Variants in ZNF263 observed in about 807,000 individuals in gnomAD.
ZNF263 encodes zinc finger protein FPM315.
In ZNF263, 49 loss-of-function variants were observed where a neutral mutation model predicts 63.1. That is an observed-to-expected ratio of 0.78 (90% CI 0.62 to 0.99). The LOEUF (loss-of-function observed/expected upper bound fraction) is 0.99, where lower values mean the gene tolerates loss of function less well. ZNF263 is among the 50% of genes least tolerant of loss of function. The probability of loss-of-function intolerance (pLI) is 0.00; values close to 1 mark genes in which losing one functional copy is unlikely to be tolerated. For synonymous variants in ZNF263, 352 were observed against 324.2 expected, an observed-to-expected ratio of 1.09 and a Z score of -0.92; for missense variants, 872 against 854.8, an observed-to-expected ratio of 1.02 and a Z score of -0.25.
chr16:3,300,388 T>C, intron 2 of ZNF263: 1 of 1,614,226 alleles, frequency 6.2e-7, no homozygotes, highest in Non-Finnish European at 8.5e-7. Context: ...ATCACCATAT[T>C]TGGCTCCCGT....
At chr16:3,294,012 G>A (rs1354871374), downstream of ZNF263, among the ~76,000 whole-genome samples, 1 of 152,102 alleles carries the variant, frequency 6.6e-6, no homozygotes, top group Non-Finnish European at 1.5e-5. Context: ...TGCAAGCTTC[G>A]CCTCCCGGGT....
rs759994364 is a variant in ZNF263, at chr16:3,285,721, G to A, written c.609G>A (p.Gly203=). The change falls in exon 3 of 6, where the codon GGG becomes GGA. Residue 203 remains glycine (G), a synonymous_variant. Coordinates refer to ENST00000219069, the MANE Select transcript of ZNF263 (RefSeq NM_005741.5). ...APWLSLFPPE[G]NMEDKEMTGP... ...GGCTTTCTCTTTTTCCTCCTGAAGG[G>A]AACATGGAAGACAAGGAGATGACTG... The A allele has an allele frequency of 6.2e-6, 10 of 1,613,976 alleles. No homozygotes were observed. Among genetic ancestry groups the A allele is most frequent in the Middle Eastern group, 1.6e-4 (1 of 6,082 alleles).
chr16:3,294,655 A>G (rs576003469), downstream of ZNF263, among the ~76,000 whole-genome samples: 1 of 152,298 alleles, frequency 6.6e-6, no homozygotes, highest in Non-Finnish European at 1.5e-5. Context: ...GGCACTGGGA[A>G]TGATCTAGGT....
rs755474014 is a variant in ZNF263, at chr16:3,290,026, G to A, written c.1520G>A (p.Arg507Gln). 6.2e-6 allele frequency: 10 copies of A among 1,614,034 alleles called. No individual in the cohort carries two copies. Among genetic ancestry groups the A allele is most frequent in the East Asian group, 2.2e-5 (1 of 44,872 alleles). ...TTTGCTCACAGTTCCAACCTCCTTC[G>A]GCACCAGAGAATTCACACTGGAGAG... ...EIFAHSSNLL[R>Q]HQRIHTGERP... Residue 507 changes from arginine (R) to glutamine (Q), a missense_variant, in exon 6 of 6, where the codon CGG becomes CAG. Arg to Gln is a conservative substitution (Grantham distance 43). Transcript: ENST00000219069.
downstream of ZNF263, chr16:3,291,562 G>C (rs117766879): frequency 3.2e-6 from 3 of 932,978 alleles, no homozygotes; most frequent in Non-Finnish European, 3.8e-6. Flanking sequence ...AGACTTACTG[G>C]GTTGGTCAGG....
chr16:3,286,256 T>A, intron 4 of ZNF263, 107 bp downstream of exon 4: 1 of 1,463,158 alleles, frequency 6.8e-7, no homozygotes, highest in Non-Finnish European at 9.1e-7. Flanking sequence ...CCAAGAAGCC[T>A]CCACAGGAGA....
chr16:3,297,953 C>T lies in ZNF263; in HGVS notation c.152-1153C>T, dbSNP rs566693248. Among the ~76,000 whole-genome samples the T allele has an allele frequency of 2.8e-4, 42 of 152,230 alleles. 2 individuals are homozygous for T. The South Asian group carries it at 7.7e-3, about 28-fold the overall frequency. Reference sequence around the variant, plus strand: ...CAAAAACTAAGAGCTTAACAATATTCAATGTTGGGATTGGTGCATTGGGAG... The same window carrying T: ...CAAAAACTAAGAGCTTAACAATATTTAATGTTGGGATTGGTGCATTGGGAG... On this transcript the variant is annotated intron_variant, in intron 1 of 2. Coordinates refer to the ZNF263 transcript ENST00000574674.
Position 3,285,387 on chromosome 16 carries a change from T to C in ZNF263, c.568+148T>C, listed in dbSNP as rs1959308322. The C allele has an allele frequency of 3.9e-6, 4 of 1,022,812 alleles. No individual in the cohort carries two copies. The South Asian group carries it at 5.1e-5, about 13-fold the overall frequency. 63.4% of individuals were successfully genotyped at this position (1,022,812 alleles called of 1,614,324 possible). On this transcript the variant is annotated intron_variant, in intron 2 of 5. Transcript: ENST00000219069. ...GGAATGAAAGACCTGCAGTTGGTGGTGTGGGTTCTCCTGGGGCTGGGGGAA... is the reference window on the plus strand; with the variant it reads ...GGAATGAAAGACCTGCAGTTGGTGGCGTGGGTTCTCCTGGGGCTGGGGGAA...
downstream of ZNF263, among the ~76,000 whole-genome samples, chr16:3,292,233 C>T (rs931779301): frequency 6.6e-6 from 1 of 152,204 alleles, no homozygotes; most frequent in Non-Finnish European, 1.5e-5. Flanking sequence ...CCTTTGGGAA[C>T]AGGCTGATGG....
chr16:3,285,072 G>A lies in ZNF263; in HGVS notation c.401G>A (p.Gly134Glu). ...GRLRQQVTNH[G>E]RGTEVLLEEP... ...GTTGGTTCCCAGGTCACAAACCATGGGCGGGGAACAGAAGTGCTTTTGGAG... is the reference window on the plus strand; with the variant it reads ...GTTGGTTCCCAGGTCACAAACCATGAGCGGGGAACAGAAGTGCTTTTGGAG... Residue 134 changes from glycine to glutamate, a missense_variant, in exon 2 of 6, where the codon GGG becomes GAG. Gly to Glu is a moderately conservative substitution (Grantham distance 98). Coordinates refer to ENST00000219069, the MANE Select transcript of ZNF263 (RefSeq NM_005741.5). 1 of 1,614,192 alleles carries A rather than the reference G, an allele frequency of 6.2e-7. No homozygotes were observed. The highest frequency in any genetic ancestry group is 2.2e-5 in the East Asian group (1 of 44,884).
At chr16:3,299,847 C>A (rs1230741897) in intron 2 of ZNF263, 1 of 1,591,970 alleles carries the variant, frequency 6.3e-7, no homozygotes, top group Non-Finnish European at 8.5e-7. Flanking sequence ...CTCTGGTGAA[C>A]CAAACATCTT....
intron 4 of ZNF263, among the ~76,000 whole-genome samples, chr16:3,287,051 A>G (rs915527834): frequency 5.3e-5 from 8 of 152,208 alleles, no homozygotes; most frequent in Non-Finnish European, 8.8e-5. Flanking sequence ...CTGCACCTCA[A>G]CCAGGTGACA....
Position 3,289,711 on chromosome 16 carries a change from C to A in ZNF263, c.1205C>A (p.Ala402Asp), listed in dbSNP as rs770545096. The A allele has an allele frequency of 1.9e-6, 3 of 1,614,128 alleles. No homozygotes were observed. Among genetic ancestry groups the A allele is most frequent in the Non-Finnish European group, 2.5e-6 (3 of 1,180,016 alleles). The change falls in exon 6 of 6, where the codon GCT becomes GAT. Residue 402 changes from alanine (A) to aspartate (D), a missense_variant. Transcript: ENST00000219069. Reference protein sequence around the residue: ...NLIRHQRIHAAERLCMGVDCT... With the variant: ...NLIRHQRIHADERLCMGVDCT... ...ATTAGGCACCAGAGAATACATGCAG[C>A]TGAAAGACTGTGTATGGGTGTGGAC... is the stretch of plus-strand genomic sequence containing the variant.
At chr16:3,297,165 C>A (rs1185935661) in intron 1 of ZNF263, among the ~76,000 whole-genome samples, 5 of 151,750 alleles carry the variant, frequency 3.3e-5, no homozygotes, top group African/African-American at 7.3e-5. Flanking sequence ...GGTGTGGTGG[C>A]ACGCGCCTGT....
chr16:3,295,691 C>G (rs1017719024), downstream of ZNF263, among the ~76,000 whole-genome samples: 1 of 152,238 alleles, frequency 6.6e-6, no homozygotes, highest in Admixed American at 6.5e-5. Context: ...TTAGTTCGCT[C>G]TCTTCTGGTA....
chr16:3,300,443 T>G (rs775915185), intron 2 of ZNF263: 1 of 1,614,230 alleles, frequency 6.2e-7, no homozygotes, highest in Admixed American at 1.7e-5. Context: ...ATGTCCTGCT[T>G]CAGTACAAAG....
intron 2 of ZNF263, chr16:3,300,013 G>T (rs1959889705): frequency 6.2e-7 from 1 of 1,613,948 alleles, no homozygotes; most frequent in African/African-American, 1.3e-5. Flanking sequence ...TTTCTTCCCT[G>T]GTAGGCAGAT....
At chr16:3,287,921 C>CA (rs1226220303) in intron 4 of ZNF263, among the ~76,000 whole-genome samples, 17 of 142,308 alleles carry the variant, frequency 1.2e-4, no homozygotes, top group East Asian at 1.0e-3. Flanking sequence ...ATTCTCATTG[C>CA]AAAAAAAAAC....
intron 1 of ZNF263, chr16:3,299,076 C>T (rs1392405863): frequency 1.4e-6 from 2 of 1,418,048 alleles, no homozygotes; most frequent in Non-Finnish European, 1.8e-6. Flanking sequence ...GGAACTGTTT[C>T]TTGACTATTT....
Sources: allele counts gnomAD v4.1 joint callset (sites outside exome capture counted in the v4.1 genomes callset), GRCh38; gene constraint gnomAD v4.1.1; transcripts MANE v1.5; gene names NCBI Gene and HGNC (gene_info 2026-07-23, HGNC 2026-07-21).